The following CFDP1 variants were observed in gnomAD, a reference collection of about 807,000 sequenced individuals.
CFDP1 encodes heterochromatin-stabilizing protein CFDP1.
In CFDP1, 31 loss-of-function variants were observed where a neutral mutation model predicts 40.1. The observed-to-expected ratio is 0.77, with a 90% confidence interval of 0.58 to 1.04. CFDP1 has a LOEUF of 1.04. CFDP1 is among the 50% of genes least tolerant of loss of function. The pLI is 0.00. For synonymous variants in CFDP1, 167 were observed against 120.0 expected (o/e 1.39, Z -2.56); for missense variants, 423 against 343.4 (o/e 1.23, Z -1.83).
chr16:75,386,755 G>C (rs971405260), intron 5 of CFDP1, among the ~76,000 whole-genome samples: 2 of 152,136 alleles, frequency 1.3e-5, no homozygotes, highest in African/African-American at 2.4e-5. Flanking sequence ...TCTCTGTTTA[G>C]AGTCTCATTT....
At chr16:75,363,765 G>C (rs2078695361) in intron 5 of CFDP1, among the ~76,000 whole-genome samples, 1 of 152,052 alleles carries the variant, frequency 6.6e-6, no homozygotes, top group Non-Finnish European at 1.5e-5. Context: ...GTCCAGAACT[G>C]GTCAGCACTG....
At chr16:75,327,000 G>A (rs976702008) in intron 5 of CFDP1, among the ~76,000 whole-genome samples, 1 of 152,256 alleles carries the variant, frequency 6.6e-6, no homozygotes, top group Non-Finnish European at 1.5e-5. Context: ...GCCGGGCGCA[G>A]TGGCTGACGC....
Position 75,347,343 on chromosome 16 carries a change from C to CAAAAAAAAAAAAAAAAAAAAAAAAA in CFDP1, c.651-42162_651-42161insTTTTTTTTTTTTTTTTTTTTTTTTT, listed in dbSNP as rs762900031. 8.7e-5 allele frequency among the ~76,000 whole-genome samples: 8 copies of CAAAAAAAAAAAAAAAAAAAAAAAAA among 91,618 alleles called. 1 individual carries two copies. Among genetic ancestry groups the CAAAAAAAAAAAAAAAAAAAAAAAAA allele is most frequent in the Non-Finnish European group, 1.4e-4 (7 of 48,326 alleles). The allele number at this position is 91,618 out of a possible 152,430, so 60.1% of individuals were successfully genotyped here. A position where few individuals can be genotyped will look rare whatever the true frequency, so the allele number is the denominator to read the frequency against. ...CTGGCGACACAGTGAGACTCCATCT[C>CAAAAAAAAAAAAAAAAAAAAAAAAA]AAAAAAAAAAAAAAAAAAAAAGAAA... On this transcript the variant is annotated intron_variant, in intron 5 of 6. Coordinates refer to ENST00000283882, the MANE Select transcript of CFDP1 (RefSeq NM_006324.3).
At chr16:75,376,893 G>A (rs1597365329) in intron 5 of CFDP1, among the ~76,000 whole-genome samples, 2 of 152,178 alleles carry the variant, frequency 1.3e-5, no homozygotes, top group South Asian at 2.1e-4. Context: ...AGAAATTTCT[G>A]CATAAACTGC....
intron 5 of CFDP1, among the ~76,000 whole-genome samples, chr16:75,344,908 G>A (rs1415816251): frequency 1.3e-5 from 2 of 152,026 alleles, no homozygotes; most frequent in Non-Finnish European, 2.9e-5. Context: ...CTCCAGCCTG[G>A]GCAACAGAGG....
At chr16:75,326,438 G>C (rs1368520530) in intron 5 of CFDP1, among the ~76,000 whole-genome samples, 2 of 152,186 alleles carry the variant, frequency 1.3e-5, no homozygotes, top group African/African-American at 2.4e-5. Flanking sequence ...ATTAATTTAG[G>C]TGTACAAATT....
At chr16:75,358,429 AT>A (rs1432055265) in intron 5 of CFDP1, among the ~76,000 whole-genome samples, 3 of 152,184 alleles carry the variant, frequency 2.0e-5, no homozygotes, top group Non-Finnish European at 2.9e-5. Flanking sequence ...TAATAAAAAA[AT>A]GAAACAGCAA....
chr16:75,429,766 A>G (rs2079387689), intron 1 of CFDP1, among the ~76,000 whole-genome samples: 1 of 152,238 alleles, frequency 6.6e-6, no homozygotes, highest in African/African-American at 2.4e-5. Context: ...ATGAATGTAA[A>G]TATTTTGGGA....
intron 5 of CFDP1, among the ~76,000 whole-genome samples, chr16:75,341,045 G>A (rs550386965): frequency 3.3e-5 from 5 of 152,288 alleles, no homozygotes; most frequent in African/African-American, 1.2e-4. Flanking sequence ...TCAGGCTGGA[G>A]TTACATTTGG....
intron 5 of CFDP1, among the ~76,000 whole-genome samples, chr16:75,323,850 C>T (rs1183922992): frequency 6.6e-6 from 1 of 151,666 alleles, no homozygotes; most frequent in Non-Finnish European, 1.5e-5. Flanking sequence ...TTTTATATGA[C>T]TGGCAGCATG....
At chr16:75,345,404 C>T (rs754212909) in intron 5 of CFDP1, among the ~76,000 whole-genome samples, 1 of 152,132 alleles carries the variant, frequency 6.6e-6, no homozygotes, top group African/African-American at 2.4e-5. Context: ...TTGCAGTGAA[C>T]CTAGACCGTA....
intron 5 of CFDP1, among the ~76,000 whole-genome samples, chr16:75,385,522 A>G (rs1195290214): frequency 2.0e-5 from 3 of 148,288 alleles, no homozygotes; most frequent in Non-Finnish European, 4.5e-5. Context: ...TCTCTTTCTA[A>G]GCACAATAGT....
chr16:75,297,195 T>TGTGTGTGTGTGTG (rs1491320265), intron 6 of CFDP1, among the ~76,000 whole-genome samples: 196 of 150,006 alleles, frequency 1.3e-3, no homozygotes, highest in Middle Eastern at 3.4e-3. Context: ...TGTGTGTGTG[T>TGTGTGTGTGTGTG]TTTTAGTAGA....
intron 1 of CFDP1, among the ~76,000 whole-genome samples, chr16:75,431,775 T>C (rs1403365859): frequency 2.0e-5 from 3 of 152,178 alleles, no homozygotes; most frequent in African/African-American, 7.2e-5. Context: ...GGTCAGGGGC[T>C]ACTAAAAATG....
chr16:75,338,194 A>G (rs3851735), intron 5 of CFDP1, among the ~76,000 whole-genome samples: 127,661 of 152,118 alleles, frequency 0.84, 53,709 homozygotes, highest in Middle Eastern at 0.91. Context: ...TGGGTTACAA[A>G]AGAGACATTT....
chr16:75,431,217 C>T (rs1457696870), intron 1 of CFDP1, among the ~76,000 whole-genome samples: 1 of 151,454 alleles, frequency 6.6e-6, no homozygotes, highest in Non-Finnish European at 1.5e-5. Flanking sequence ...TCAGGGAGGC[C>T]GAGGCGGGCA....
chr16:75,359,619 C>G (rs1378572355), intron 5 of CFDP1, among the ~76,000 whole-genome samples: 2 of 152,172 alleles, frequency 1.3e-5, no homozygotes, highest in African/African-American at 4.8e-5. Context: ...GCAGTCATGA[C>G]CTGTATGCAA....
chr16:75,400,957 T>C (rs1379872906), intron 4 of CFDP1, among the ~76,000 whole-genome samples: 2 of 152,100 alleles, frequency 1.3e-5, no homozygotes, highest in Non-Finnish European at 2.9e-5. Context: ...AAGTGAAGGA[T>C]AGGCTTCCAT....
intron 5 of CFDP1, among the ~76,000 whole-genome samples, chr16:75,353,324 AAAG>A (rs1260227102): frequency 1.3e-5 from 2 of 152,248 alleles, no homozygotes; most frequent in African/African-American, 2.4e-5. Flanking sequence ...TTATGTTTAA[AAAG>A]AAGAGATACA....
Sources: gnomAD v4.1 joint callset for allele counts (sites outside exome capture counted in the v4.1 genomes callset) on GRCh38, gnomAD v4.1.1 for gene constraint, MANE v1.5 for transcripts, NCBI Gene and HGNC (gene_info 2026-07-23, HGNC 2026-07-21) for gene names.